The following ROBO1 variants were observed in gnomAD, a reference collection of about 807,000 sequenced individuals.
The protein encoded by ROBO1 is roundabout guidance receptor 1.
In ROBO1, 149 loss-of-function variants were observed where a neutral mutation model predicts 195.9. The observed-to-expected ratio is 0.76, with a 90% CI of 0.67 to 0.87. The LOEUF is 0.87. ROBO1 is among the 40% of genes least tolerant of loss of function. The pLI is 0.00. For synonymous variants in ROBO1, 816 were observed against 733.2 expected (o/e 1.11, Z -1.82); for missense variants, 1,933 against 2,068.3 (o/e 0.93, Z 1.27).
intron 3 of ROBO1, among the ~76,000 whole-genome samples, chr3:79,033,406 CTGTT>C (rs780509969): frequency 4.1e-4 from 62 of 152,156 alleles, no homozygotes; most frequent in Admixed American, 7.8e-4. Context: ...TTTTCATTCT[CTGTT>C]GAAGCATTCT....
chr3:79,356,087 T>C (rs2035543728), intron 2 of ROBO1, among the ~76,000 whole-genome samples: 1 of 152,190 alleles, frequency 6.6e-6, no homozygotes, highest in African/African-American at 2.4e-5. Flanking sequence ...ACACTTGTAA[T>C]CCCATTATTT....
chr3:79,452,922 G>A (rs1320917096), intron 2 of ROBO1, among the ~76,000 whole-genome samples: 1 of 151,844 alleles, frequency 6.6e-6, no homozygotes, highest in Non-Finnish European at 1.5e-5. Flanking sequence ...GAATCTTGAA[G>A]TTTTGTACAA....
chr3:78,969,520 A>C (rs558146864), intron 3 of ROBO1, among the ~76,000 whole-genome samples: 26 of 152,348 alleles, frequency 1.7e-4, no homozygotes, highest in African/African-American at 6.3e-4. Flanking sequence ...AGGGTATTTG[A>C]AAATGACTAT....
At chr3:78,905,348 G>A (rs2037836892) in intron 4 of ROBO1, among the ~76,000 whole-genome samples, 1 of 152,076 alleles carries the variant, frequency 6.6e-6, no homozygotes, top group Non-Finnish European at 1.5e-5. Context: ...TTACAACTCT[G>A]CTGATGGGAT....
chr3:78,708,458 G>T (rs1357543967), intron 8 of ROBO1, among the ~76,000 whole-genome samples: 3 of 151,398 alleles, frequency 2.0e-5, no homozygotes, highest in Admixed American at 6.6e-5. Flanking sequence ...TTCAAACAAA[G>T]AAAAAAGCAT....
chr3:78,911,831 A>G (rs2038261375), intron 4 of ROBO1, among the ~76,000 whole-genome samples: 1 of 152,082 alleles, frequency 6.6e-6, no homozygotes, highest in African/African-American at 2.4e-5. Flanking sequence ...TTTATATTCT[A>G]TAACGCAAAG....
intron 2 of ROBO1, among the ~76,000 whole-genome samples, chr3:79,444,706 A>T (rs2039180085): frequency 6.6e-6 from 1 of 152,132 alleles, no homozygotes; most frequent in Non-Finnish European, 1.5e-5. Context: ...AATAATGGCG[A>T]ATCAAATGTA....
At chr3:78,677,543 A>G (rs1708513636) in intron 10 of ROBO1, among the ~76,000 whole-genome samples, 1 of 151,902 alleles carries the variant, frequency 6.6e-6, no homozygotes, top group African/African-American at 2.4e-5. Context: ...GATAAAACAG[A>G]CTTTAAACCA....
At chr3:79,569,199 G>A (rs1435980749) in intron 2 of ROBO1, among the ~76,000 whole-genome samples, 4 of 152,068 alleles carry the variant, frequency 2.6e-5, no homozygotes, top group South Asian at 2.1e-4. Flanking sequence ...GATTTCTCTC[G>A]CTGACAATTT....
chr3:79,213,709 A>G (rs1452840010), intron 2 of ROBO1, among the ~76,000 whole-genome samples: 2 of 151,960 alleles, frequency 1.3e-5, no homozygotes, highest in Non-Finnish European at 2.9e-5. Flanking sequence ...AACAATTAGC[A>G]TCTTAACATT....
chr3:78,662,024 A>C lies in ROBO1; in HGVS notation c.2057T>G (p.Leu686Arg), dbSNP rs1434163031. 6.2e-7 allele frequency: 1 copy of C among 1,605,870 alleles called. No homozygotes were observed. Among genetic ancestry groups the C allele is most frequent in the Admixed American group, 1.7e-5 (1 of 59,064 alleles). Residue 686 changes from leucine to arginine, a missense_variant, in exon 15 of 31, where the codon CTT becomes CGT. This residue lies in a region of ROBO1 where 1,737 missense variants were observed against 1,882.5 expected (regional missense o/e 0.92). Coordinates refer to ENST00000464233, the MANE Select transcript of ROBO1 (RefSeq NM_002941.4). ...AVLHLHNPTVLSSSSIEVHWT... is the reference protein window; with the variant it reads ...AVLHLHNPTVRSSSSIEVHWT... Reference sequence around the variant, plus strand: ...GTGCACTTCGATGGAAGAGGAAGAAAGGACGGTGGGGTTGTGGAGGTGCAG... The same window carrying C: ...GTGCACTTCGATGGAAGAGGAAGAACGGACGGTGGGGTTGTGGAGGTGCAG...
At chr3:79,698,342 A>C (rs558917819) in intron 1 of ROBO1, among the ~76,000 whole-genome samples, 1 of 151,458 alleles carries the variant, frequency 6.6e-6, no homozygotes, top group East Asian at 1.9e-4. Context: ...TGCTCATTCT[A>C]CCTTTATTAT....
At chr3:79,342,646 T>C (rs994666098) in intron 2 of ROBO1, among the ~76,000 whole-genome samples, 11 of 152,106 alleles carry the variant, frequency 7.2e-5, no homozygotes, top group South Asian at 2.1e-4. Flanking sequence ...ATAATGACTA[T>C]ATCTTGGAGT....
At chr3:78,810,821 G>A (rs2084714692) in intron 4 of ROBO1, among the ~76,000 whole-genome samples, 1 of 152,038 alleles carries the variant, frequency 6.6e-6, no homozygotes, top group African/African-American at 2.4e-5. Flanking sequence ...TCTTGTTAAT[G>A]TTTATTTAAA....
chr3:78,693,352 C>T, intron 8 of ROBO1: 1 of 1,546,430 alleles, frequency 6.5e-7, no homozygotes, highest in Non-Finnish European at 8.7e-7. Context: ...ACTTACCAGA[C>T]CCAACTAAAA....
At chr3:79,534,907 T>G (rs1361592897) in intron 2 of ROBO1, among the ~76,000 whole-genome samples, 1 of 152,156 alleles carries the variant, frequency 6.6e-6, no homozygotes, top group Non-Finnish European at 1.5e-5. Flanking sequence ...TACTAACGAC[T>G]GCAGCTTTAC....
At chr3:79,367,338 C>A (rs1384132866) in intron 2 of ROBO1, among the ~76,000 whole-genome samples, 1 of 152,100 alleles carries the variant, frequency 6.6e-6, no homozygotes, top group Non-Finnish European at 1.5e-5. Context: ...TACAACAATT[C>A]CTTTCTGATA....
chr3:79,662,952 G>A (rs905841555), intron 1 of ROBO1, among the ~76,000 whole-genome samples: 1 of 152,032 alleles, frequency 6.6e-6, no homozygotes, highest in South Asian at 2.1e-4. Flanking sequence ...AAATAATCAC[G>A]ATATATAAGG....
chr3:79,199,767 T>G (rs2108775869), intron 2 of ROBO1, among the ~76,000 whole-genome samples: 1 of 151,624 alleles, frequency 6.6e-6, no homozygotes, highest in South Asian at 2.1e-4. Flanking sequence ...GATTCAATCG[T>G]AGTACATTAT....
Sources: gnomAD v4.1 joint callset for allele counts (sites outside exome capture counted in the v4.1 genomes callset) on GRCh38, gnomAD v4.1.1 for gene constraint, gnomAD v4.1.1 regional missense constraint, MANE v1.5 for transcripts, NCBI Gene and HGNC (gene_info 2026-07-23, HGNC 2026-07-21) for gene names.